Variants in TEAD1 observed in about 807,000 individuals in gnomAD.
TEAD1 encodes TEA domain transcription factor 1.
TEAD1 carries 9 observed loss-of-function variants against 54.9 expected under a neutral mutation model. The ratio of observed to expected loss-of-function variants is 0.16; its 90% CI spans 0.10 to 0.29. The LOEUF is 0.29. Among genes scored for constraint, TEAD1 ranks in the 10% least tolerant of loss-of-function variants. The pLI is 1.00. For synonymous variants in TEAD1, 200 were observed against 187.8 expected, an observed-to-expected ratio of 1.07 and a Z score of -0.53; for missense variants, 387 against 535.9, an observed-to-expected ratio of 0.72 and a Z score of 2.74.
chr11:12,852,426 C>T (rs1201349271), intron 3 of TEAD1, among the ~76,000 whole-genome samples: 4 of 149,772 alleles, frequency 2.7e-5, no homozygotes, highest in African/African-American at 4.9e-5. Context: ...AGTTCAGGCT[C>T]CATTAAATCT....
chr11:12,836,312 C>T lies in TEAD1; in HGVS notation c.203-25938C>T, dbSNP rs533327408. ...GCGGGCGCCTGTAGTCCCAGCTACTCGGGAGGCTGAGGCAGGAGAATGGCG... is the reference window on the plus strand; with the variant it reads ...GCGGGCGCCTGTAGTCCCAGCTACTTGGGAGGCTGAGGCAGGAGAATGGCG... On this transcript the variant is annotated intron_variant, in intron 3 of 12. Coordinates refer to ENST00000527636, the MANE Select transcript of TEAD1 (RefSeq NM_021961.6). Among the ~76,000 whole-genome samples, 17 of 150,624 alleles carry T rather than the reference C, an allele frequency of 1.1e-4. No homozygotes were observed. The South Asian group carries it at 3.1e-3, about 28-fold the overall frequency.
At chr11:12,709,614 A>G (rs1012721779) in intron 2 of TEAD1, among the ~76,000 whole-genome samples, 7 of 152,160 alleles carry the variant, frequency 4.6e-5, no homozygotes, top group Non-Finnish European at 8.8e-5. Flanking sequence ...TTGAACTCAT[A>G]GGCTCAAGTT....
intron 9 of TEAD1, among the ~76,000 whole-genome samples, chr11:12,886,715 C>G (rs1462937991): frequency 6.6e-6 from 1 of 151,436 alleles, no homozygotes; most frequent in Non-Finnish European, 1.5e-5. Flanking sequence ...AGGCTGGCCT[C>G]AAACTCCTGG....
At chr11:12,806,461 G>A (rs376351168) in intron 3 of TEAD1, among the ~76,000 whole-genome samples, 1 of 152,192 alleles carries the variant, frequency 6.6e-6, no homozygotes, top group Non-Finnish European at 1.5e-5. Flanking sequence ...GTCCTTGGTC[G>A]ATGGTCTAAA....
intron 2 of TEAD1, among the ~76,000 whole-genome samples, chr11:12,763,348 A>C (rs924399541): frequency 1.3e-5 from 2 of 152,210 alleles, no homozygotes; most frequent in African/African-American, 4.8e-5. Context: ...CTCCATGTCA[A>C]TAGAGAATAT....
chr11:12,723,656 T>G, intron 2 of TEAD1, among the ~76,000 whole-genome samples: 1 of 152,318 alleles, frequency 6.6e-6, no homozygotes, highest in Non-Finnish European at 1.5e-5. Flanking sequence ...GTAAGCCCTG[T>G]TGTTGTCTTT....
intron 7 of TEAD1, 55 bp downstream of exon 7, chr11:12,881,106 G>C (rs190795080): frequency 1.3e-5 from 20 of 1,586,232 alleles, no homozygotes; most frequent in Admixed American, 3.3e-5. Flanking sequence ...CAGCCCACGT[G>C]GGGAGAGCTC....
Position 12,902,496 on chromosome 11 carries a change from T to TC in TEAD1, c.873+387dup, listed in dbSNP as rs141749001. Among the ~76,000 whole-genome samples, 746 of 152,274 alleles carry TC rather than the reference T, an allele frequency of 4.9e-3. 5 individuals are homozygous for TC. Among genetic ancestry groups the TC allele is most frequent in the African/African-American group, 0.017 (714 of 41,550 alleles). ...TTGTGCTTTAAAATGACGGGCAAAG[T>TC]CCCCTGGCTGCTGCAGCTTTGCTGA... On this transcript the variant is annotated intron_variant, in intron 10 of 12. Coordinates refer to ENST00000527636, the MANE Select transcript of TEAD1 (RefSeq NM_021961.6).
In TEAD1 at chr11:12,847,724, G is replaced by C. The variant is rs576432837; in HGVS notation, c.203-14526G>C. Among the ~76,000 whole-genome samples, 4 of 152,240 alleles carry C rather than the reference G, an allele frequency of 2.6e-5. No homozygotes were observed. The East Asian group carries it at 7.7e-4, about 29-fold the overall frequency. On this transcript the variant is annotated intron_variant, in intron 3 of 12. Coordinates refer to ENST00000527636, the MANE Select transcript of TEAD1 (RefSeq NM_021961.6). ...AGTTTTTAGAGACGGGTCTTGCTCT[G>C]TTGGCCAGGTTGTTCTTGAACTCCT...
chr11:12,697,691 A>T (rs999500580), intron 2 of TEAD1, among the ~76,000 whole-genome samples: 11 of 152,172 alleles, frequency 7.2e-5, no homozygotes, highest in African/African-American at 2.4e-4. Flanking sequence ...CTTTAAATTG[A>T]GAGGGGTACA....
intron 10 of TEAD1, among the ~76,000 whole-genome samples, chr11:12,921,538 CAAAAAA>C (rs10684810): frequency 7.6e-6 from 1 of 130,792 alleles, no homozygotes; most frequent in African/African-American, 2.9e-5. Flanking sequence ...AACTCCATCT[CAAAAAA>C]AAAAAAAAAA....
chr11:12,778,732 C>A (rs1945482608), intron 3 of TEAD1, among the ~76,000 whole-genome samples: 1 of 152,202 alleles, frequency 6.6e-6, no homozygotes, highest in East Asian at 1.9e-4. Flanking sequence ...CAAGAGTTTT[C>A]TTTCCTACAT....
At chr11:12,746,183 G>GA (rs1215858562) in intron 2 of TEAD1, among the ~76,000 whole-genome samples, 1 of 152,194 alleles carries the variant, frequency 6.6e-6, no homozygotes, top group Non-Finnish European at 1.5e-5. Context: ...ATTCTTGCAC[G>GA]AGAGTAGCAC....
chr11:12,796,314 A>G (rs1157533407), intron 3 of TEAD1, among the ~76,000 whole-genome samples: 1 of 152,160 alleles, frequency 6.6e-6, no homozygotes, highest in Non-Finnish European at 1.5e-5. Context: ...AATAACAAAA[A>G]CCATAGGAAA....
intron 2 of TEAD1, among the ~76,000 whole-genome samples, chr11:12,712,688 TATATC>T (rs776179642): frequency 1.3e-5 from 2 of 152,196 alleles, no homozygotes; most frequent in Non-Finnish European, 2.9e-5. Context: ...CCTTGGGAAA[TATATC>T]AATCACGTGA....
At chr11:12,747,681 C>T (rs1944775346) in intron 2 of TEAD1, among the ~76,000 whole-genome samples, 2 of 152,256 alleles carry the variant, frequency 1.3e-5, no homozygotes, top group South Asian at 4.1e-4. Flanking sequence ...GTGTGTCTGG[C>T]ACAGTTAAGA....
chr11:12,736,108 T>A (rs542413013), intron 2 of TEAD1, among the ~76,000 whole-genome samples: 1 of 152,336 alleles, frequency 6.6e-6, no homozygotes, highest in South Asian at 2.1e-4. Context: ...TTAATATGAT[T>A]GTGACAATTG....
intron 3 of TEAD1, among the ~76,000 whole-genome samples, chr11:12,798,228 G>A (rs1317627321): frequency 6.6e-6 from 1 of 152,136 alleles, no homozygotes; most frequent in Non-Finnish European, 1.5e-5. Flanking sequence ...CCTCTAGACA[G>A]TCTGTGCTTT....
chr11:12,832,599 G>A (rs1024405071), intron 3 of TEAD1, among the ~76,000 whole-genome samples: 1 of 152,168 alleles, frequency 6.6e-6, no homozygotes, highest in African/African-American at 2.4e-5. Context: ...GATCTTGAAT[G>A]TTCAACCTCT....
Sources: gnomAD v4.1 joint callset for allele counts (sites outside exome capture counted in the v4.1 genomes callset) on GRCh38, gnomAD v4.1.1 for gene constraint, MANE v1.5 for transcripts, NCBI Gene and HGNC (gene_info 2026-07-23, HGNC 2026-07-21) for gene names.